ASTN2: variants seen among roughly 807,000 people sequenced by gnomAD.
ASTN2 encodes astrotactin 2.
In ASTN2, 54 loss-of-function variants were observed where a neutral mutation model predicts 139.8. The observed-to-expected ratio is 0.39, with a 90% CI of 0.31 to 0.48. The LOEUF (loss-of-function observed/expected upper bound fraction) is 0.48, where lower values mean the gene tolerates loss of function less well. Ranked by LOEUF, ASTN2 falls within the 20% of genes least tolerant of loss-of-function variation. ASTN2 has a pLI of 0.95. For missense variants in ASTN2, 1,565 were observed against 1,725.1 expected, an observed-to-expected ratio of 0.91 and a Z score of 1.64; for synonymous variants, 756 against 719.5, an observed-to-expected ratio of 1.05 and a Z score of -0.81.
intron 3 of ASTN2, chr9:117,180,703 C>G: frequency 6.3e-7 from 1 of 1,591,164 alleles, no homozygotes; most frequent in African/African-American, 1.4e-5. Flanking sequence ...TGGAAGCCCT[C>G]ATGAGTGCAG....
chr9:116,740,478 C>T (rs544641576), intron 13 of ASTN2, among the ~76,000 whole-genome samples: 1 of 151,948 alleles, frequency 6.6e-6, no homozygotes, highest in Non-Finnish European at 1.5e-5. Context: ...AGCTTCAATG[C>T]GTGAAGAGGA....
chr9:116,437,795 C>T (rs1034105243), intron 22 of ASTN2, among the ~76,000 whole-genome samples: 1 of 152,200 alleles, frequency 6.6e-6, no homozygotes, highest in African/African-American at 2.4e-5. Context: ...ATCTAAAGAA[C>T]CTTCCTTTCA....
At chr9:116,962,321 T>C (rs985398920) in intron 10 of ASTN2, among the ~76,000 whole-genome samples, 6 of 152,334 alleles carry the variant, frequency 3.9e-5, no homozygotes, top group Admixed American at 3.3e-4. Context: ...GCTCAGAGGT[T>C]GGCCAGCTTG....
At position 116,797,179 on chromosome 9, in the gene ASTN2, C is replaced by T. The variant is rs186889309; in HGVS notation, c.2396+8453G>A. ...GTAATGGATCTATCTATGGCCTTGA[C>T]GGTGGTGATGGATTCACTAGTATAT... On this transcript the variant is annotated intron_variant, in intron 13 of 22. Transcript: ENST00000313400. Among the ~76,000 whole-genome samples, 104 of 152,118 alleles carry T rather than the reference C, an allele frequency of 6.8e-4. 1 individual carries two copies. The highest frequency in any genetic ancestry group is 2.2e-3 in the African/African-American group (91 of 41,482).
rs111716372 is a variant in ASTN2, at chr9:116,756,770, A to AACACACACACACACAC, written c.2397-23263_2397-23248dup. ...GTTATCTATAAGATGCTCCGAATAA[A>AACACACACACACACAC]ACACACACACACACACACACACACA... On this transcript the variant is annotated intron_variant, in intron 13 of 22. Coordinates refer to ENST00000313400, the MANE Select transcript of ASTN2 (RefSeq NM_001365068.1). 9.7e-4 allele frequency among the ~76,000 whole-genome samples: 144 copies of AACACACACACACACAC among 148,114 alleles called. 1 individual carries two copies. Among genetic ancestry groups the AACACACACACACACAC allele is most frequent in the African/African-American group, 3.4e-3 (138 of 40,264 alleles).
chr9:116,509,451 T>C (rs1850267534), intron 19 of ASTN2, among the ~76,000 whole-genome samples: 2 of 152,164 alleles, frequency 1.3e-5, no homozygotes, highest in East Asian at 1.9e-4. Flanking sequence ...CTATTGAGAA[T>C]AGTGCCGCAA....
At chr9:117,019,949 A>G (rs1334088) in intron 6 of ASTN2, among the ~76,000 whole-genome samples, 109,383 of 151,498 alleles carry the variant, frequency 0.72, 39,781 homozygotes, top group Middle Eastern at 0.82. Flanking sequence ...AAATAGATAA[A>G]GTATCATCTC....
chr9:117,024,279 T>G (rs1358708431), intron 6 of ASTN2, among the ~76,000 whole-genome samples: 1 of 152,190 alleles, frequency 6.6e-6, no homozygotes, highest in Non-Finnish European at 1.5e-5. Context: ...GGCTCAAGAC[T>G]GGTTTTGAAG....
At chr9:117,372,125 G>A (rs1444601827) in intron 1 of ASTN2, among the ~76,000 whole-genome samples, 1 of 152,114 alleles carries the variant, frequency 6.6e-6, no homozygotes, top group Non-Finnish European at 1.5e-5. Flanking sequence ...TATAGAAGCT[G>A]TAAGAGGCCC....
At chr9:117,337,432 CAT>C (rs1443104440) in intron 1 of ASTN2, among the ~76,000 whole-genome samples, 1 of 152,012 alleles carries the variant, frequency 6.6e-6, no homozygotes, top group Non-Finnish European at 1.5e-5. Context: ...TATTATCTAC[CAT>C]ATGTTTCAAA....
At chr9:117,079,720 AATAAATAATAAAAGGGAT>A (rs1828375149) in intron 5 of ASTN2, among the ~76,000 whole-genome samples, 1 of 51,142 alleles carries the variant, frequency 2.0e-5, no homozygotes, top group African/African-American at 9.0e-5. Flanking sequence ...TGATGGCTTG[AATAAATAATAAAAGGGAT>A]GAACACTGTT....
intron 10 of ASTN2, among the ~76,000 whole-genome samples, chr9:116,922,102 T>C (rs949692399): frequency 1.3e-5 from 2 of 152,190 alleles, no homozygotes; most frequent in Non-Finnish European, 2.9e-5. Context: ...CCGGAAGTCT[T>C]TTCTTACTAC....
intron 5 of ASTN2, among the ~76,000 whole-genome samples, chr9:117,090,533 T>C (rs1252446792): frequency 6.6e-6 from 1 of 152,220 alleles, no homozygotes; most frequent in East Asian, 1.9e-4. Flanking sequence ...TCATAATGGA[T>C]CCTATTGCTG....
chr9:116,531,713 A>G (rs374405838), intron 19 of ASTN2, among the ~76,000 whole-genome samples: 75 of 152,260 alleles, frequency 4.9e-4, no homozygotes, highest in African/African-American at 1.7e-3. Flanking sequence ...TTTTATGGCT[A>G]CATAGTATTC....
chr9:116,894,455 A>T (rs1437157681), intron 10 of ASTN2, among the ~76,000 whole-genome samples: 2 of 152,210 alleles, frequency 1.3e-5, no homozygotes, highest in Admixed American at 6.5e-5. Context: ...GAAAATCCTG[A>T]TGATAGATAA....
chr9:117,296,593 C>G (rs1834743209), intron 1 of ASTN2, among the ~76,000 whole-genome samples: 1 of 152,124 alleles, frequency 6.6e-6, no homozygotes, highest in Non-Finnish European at 1.5e-5. Context: ...AAAGTTTAAG[C>G]AAAAGGGGGA....
chr9:116,817,431 G>A (rs1196228698), intron 12 of ASTN2, among the ~76,000 whole-genome samples: 2 of 152,150 alleles, frequency 1.3e-5, no homozygotes, highest in African/African-American at 4.8e-5. Context: ...ACTTGGAGGC[G>A]AAAGCTAAAG....
At chr9:116,796,882 G>A (rs1357299714) in intron 13 of ASTN2, among the ~76,000 whole-genome samples, 2 of 152,130 alleles carry the variant, frequency 1.3e-5, no homozygotes, top group Non-Finnish European at 2.9e-5. Context: ...TGCCATCATG[G>A]CTCACGGCAG....
chr9:116,619,659 G>A (rs1856025480), intron 18 of ASTN2, among the ~76,000 whole-genome samples: 1 of 149,774 alleles, frequency 6.7e-6, no homozygotes, highest in Non-Finnish European at 1.5e-5. Flanking sequence ...TAGTAGCTGG[G>A]ACTACAGGCA....
Sources: gnomAD v4.1 joint callset for allele counts (sites outside exome capture counted in the v4.1 genomes callset) on GRCh38, gnomAD v4.1.1 for gene constraint, MANE v1.5 for transcripts, NCBI Gene and HGNC (gene_info 2026-07-23, HGNC 2026-07-21) for gene names.